The following PRDM10 variants were observed in gnomAD, a reference collection of about 807,000 sequenced individuals.
The protein encoded by PRDM10 is PR/SET domain 10.
PRDM10 carries 65 observed loss-of-function variants against 133.1 expected under a neutral mutation model. The observed-to-expected ratio is 0.49, with a 90% confidence interval of 0.40 to 0.60. The LOEUF is 0.60. PRDM10 is among the 20% of genes least tolerant of loss of function. The pLI is 0.00. For synonymous variants in PRDM10, 582 were observed against 580.4 expected, an observed-to-expected ratio of 1.00 and a Z score of -0.04; for missense variants, 1,137 against 1,507.1, an observed-to-expected ratio of 0.75 and a Z score of 4.07.
In PRDM10 at chr11:129,947,153, T is replaced by C; in HGVS notation, c.512A>G (p.His171Arg). Reference protein sequence around the residue: ...EPDPPRPFDPHDLWCEECNNA... With the variant: ...EPDPPRPFDPRDLWCEECNNA... ...CCCGTGCCCACACTTACACAAGTCG[T>C]GTGGGTCGAAGGGCCGGGGCGGGTC... Residue 171 changes from histidine (H) to arginine (R), a missense_variant, in exon 5 of 21, where the codon CAC becomes CGC. His to Arg is a conservative substitution (Grantham distance 29, BLOSUM62 0). This residue lies in a region of PRDM10 where 635 missense variants were observed against 835.2 expected (regional missense o/e 0.76). Transcript: ENST00000360871. This position sits in a 1 kb window ranked among gnomAD's most constrained non-coding sequence, Gnocchi z 4.6. 6.2e-7 allele frequency: 1 copy of C among 1,614,044 alleles called. No individual in the cohort carries two copies. Among genetic ancestry groups the C allele is most frequent in the East Asian group, 2.2e-5 (1 of 44,868 alleles).
intron 18 of PRDM10, among the ~76,000 whole-genome samples, chr11:129,911,823 C>T (rs1055811460): frequency 6.6e-6 from 1 of 152,194 alleles, no homozygotes; most frequent in South Asian, 2.1e-4. Flanking sequence ...TTAGCCATTG[C>T]ATTTAGAATG....
Position 129,931,173 on chromosome 11 carries a change from G to C in PRDM10, c.1373C>G (p.Thr458Ser). Residue 458 changes from threonine to serine, a missense_variant, in exon 11 of 21, where the codon ACT becomes AGT. Thr to Ser is a moderately conservative substitution (Grantham distance 58, BLOSUM62 1). This residue lies in a region of PRDM10 where 635 missense variants were observed against 835.2 expected (regional missense o/e 0.76). Coordinates refer to ENST00000360871, the MANE Select transcript of PRDM10 (RefSeq NM_199437.2). ...CTGTGGCAGCTGAGGGATTGGGATA[G>C]TGGTCTGTTCTGGTTGATCCAGCCC... The part of the protein sequence containing the change: ...LNGLDQPEQT[T>S]IPIPQLPQET... 6.2e-7 allele frequency: 1 copy of C among 1,614,216 alleles called. No individual in the cohort carries two copies. The highest frequency in any genetic ancestry group is 8.5e-7 in the Non-Finnish European group (1 of 1,180,002).
At chr11:129,982,285 C>T (rs111703287) in intron 1 of PRDM10, among the ~76,000 whole-genome samples, 4,588 of 150,906 alleles carry the variant, frequency 0.03, 202 homozygotes, top group African/African-American at 0.097. Context: ...TGTGTGTGTG[C>T]GCGCGTGTGT....
At chr11:129,904,798 C>G (rs1217238686) in intron 20 of PRDM10, among the ~76,000 whole-genome samples, 3 of 152,218 alleles carry the variant, frequency 2.0e-5, no homozygotes, top group Admixed American at 2.0e-4. Flanking sequence ...CTGAGCCCAG[C>G]CAAGAGTATT....
intron 3 of PRDM10, among the ~76,000 whole-genome samples, chr11:129,956,532 C>A (rs2135913113): frequency 6.6e-6 from 1 of 151,862 alleles, no homozygotes; most frequent in Middle Eastern, 3.4e-3. Context: ...CCACTGCATT[C>A]CAGCCTAGGA....
intron 1 of PRDM10, among the ~76,000 whole-genome samples, chr11:129,972,413 A>G (rs1369102462): frequency 6.6e-6 from 1 of 152,254 alleles, no homozygotes; most frequent in Non-Finnish European, 1.5e-5. Flanking sequence ...AGCAACAAAG[A>G]GTTAACAAAA....
intron 1 of PRDM10, among the ~76,000 whole-genome samples, chr11:129,998,084 A>T (rs1176185191): frequency 6.6e-6 from 1 of 152,260 alleles, no homozygotes; most frequent in Non-Finnish European, 1.5e-5. Flanking sequence ...GAAACAGGTG[A>T]AATTAATTAT....
Position 129,934,794 on chromosome 11 carries a change from G to C in PRDM10, c.1157+307C>G, listed in dbSNP as rs187866320. Among the ~76,000 whole-genome samples the C allele has an allele frequency of 3.3e-5, 5 of 152,340 alleles. No individual in the cohort carries two copies. The East Asian group carries it at 9.6e-4, about 29-fold the overall frequency. On this transcript the variant is annotated intron_variant, in intron 9 of 20. Coordinates refer to ENST00000360871, the MANE Select transcript of PRDM10 (RefSeq NM_199437.2). ...TGCTGAAAAAAGTCTGAAAATCAGA[G>C]ATGCAGATTATTTTAAAGGTATGTC...
intron 4 of PRDM10, among the ~76,000 whole-genome samples, chr11:129,955,285 T>C (rs1951675747): frequency 6.6e-6 from 1 of 152,250 alleles, no homozygotes; most frequent in South Asian, 2.1e-4. Flanking sequence ...TTTTAAAAAA[T>C]TTCTCTGACA....
At chr11:129,964,060 T>C (rs1951856204) in intron 1 of PRDM10, among the ~76,000 whole-genome samples, 1 of 152,162 alleles carries the variant, frequency 6.6e-6, no homozygotes, top group Non-Finnish European at 1.5e-5. Context: ...CATGGTTAGA[T>C]TCAGGATATG....
rs1252755621 is a variant in PRDM10, at chr11:129,982,376, C to T, written c.-119+20346G>A. 3.3e-5 allele frequency among the ~76,000 whole-genome samples: 5 copies of T among 152,074 alleles called. No individual in the cohort carries two copies. The East Asian group carries it at 9.9e-4, about 30-fold the overall frequency. On this transcript the variant is annotated intron_variant, in intron 1 of 20. Coordinates refer to ENST00000360871, the MANE Select transcript of PRDM10 (RefSeq NM_199437.2). The stretch of plus-strand genomic sequence containing the variant: ...CTCCCGGGCTCAAGCAATTCTTCTG[C>T]CTCAGCCTCCCAAGTAGCTGGGATT...
chr11:129,899,815 T>C lies in PRDM10; in HGVS notation c.*2498A>G, dbSNP rs1949795139. Reference sequence around the variant, plus strand: ...ACACTATAACTCACTGAATGTACAATAAATGTTCACATTTAAATAACAGGA... The same window carrying C: ...ACACTATAACTCACTGAATGTACAACAAATGTTCACATTTAAATAACAGGA... On this transcript the variant is annotated 3_prime_UTR_variant, in exon 21 of 21. Transcript: ENST00000360871. 1 of 152,670 alleles carries C rather than the reference T, an allele frequency of 6.6e-6. No homozygotes were observed. The highest frequency in any genetic ancestry group is 2.4e-5 in the African/African-American group (1 of 41,464). The allele number at this position is 152,670 out of a possible 1,614,324, so 9.5% of individuals were successfully genotyped here.
At chr11:129,959,138 A>T (rs948134958) in intron 2 of PRDM10, among the ~76,000 whole-genome samples, 3 of 152,252 alleles carry the variant, frequency 2.0e-5, no homozygotes, top group Admixed American at 6.5e-5. Flanking sequence ...AGTGAAGGAT[A>T]GTAGATCCCC....
At chr11:129,951,072 G>A (rs774031619) in intron 4 of PRDM10, among the ~76,000 whole-genome samples, 7 of 152,190 alleles carry the variant, frequency 4.6e-5, no homozygotes, top group Non-Finnish European at 5.9e-5. Flanking sequence ...GAAAAGGAAC[G>A]GAAAGAGCTG....
chr11:129,966,346 C>T (rs1455480895), intron 1 of PRDM10, among the ~76,000 whole-genome samples: 4 of 152,190 alleles, frequency 2.6e-5, no homozygotes, highest in East Asian at 1.9e-4. Flanking sequence ...CTACAAAGTA[C>T]GTTCCCCCCA....
chr11:129,986,609 G>A (rs547085790), intron 1 of PRDM10, among the ~76,000 whole-genome samples: 49 of 152,136 alleles, frequency 3.2e-4, no homozygotes, highest in Middle Eastern at 3.4e-3. Context: ...GGCTGGTCTC[G>A]AACTCCTGGG....
chr11:129,973,491 G>C (rs940606943), intron 1 of PRDM10, among the ~76,000 whole-genome samples: 6 of 152,148 alleles, frequency 3.9e-5, no homozygotes, highest in Admixed American at 3.9e-4. Flanking sequence ...ATGACATTTT[G>C]AATGTATACT....
chr11:129,982,249 C>T (rs144138930), intron 1 of PRDM10, among the ~76,000 whole-genome samples: 10 of 152,006 alleles, frequency 6.6e-5, no homozygotes, highest in African/African-American at 2.4e-4. Context: ...CAGAGCAAGA[C>T]CCTGTCTCAA....
chr11:129,972,692 C>G (rs1195070426), intron 1 of PRDM10, among the ~76,000 whole-genome samples: 1 of 152,198 alleles, frequency 6.6e-6, no homozygotes, highest in Admixed American at 6.5e-5. Flanking sequence ...TTAGAGGAGT[C>G]TTCAACAAGA....
Sources: gnomAD v4.1 joint callset for allele counts (sites outside exome capture counted in the v4.1 genomes callset) on GRCh38, gnomAD v4.1.1 for gene constraint, gnomAD v4.1.1 regional missense constraint, Gnocchi (gnomAD v3.1) non-coding constraint, MANE v1.5 for transcripts, NCBI Gene and HGNC (gene_info 2026-07-23, HGNC 2026-07-21) for gene names.